The following HELZ variants were observed in gnomAD, a reference collection of about 807,000 sequenced individuals.
The protein encoded by HELZ is helicase with zinc finger, also known as ATP-dependent RNA helicase with zinc finger domain.
HELZ carries 23 observed loss-of-function variants against 218.2 expected under a neutral mutation model. The ratio of observed to expected loss-of-function variants is 0.11; its 90% CI spans 0.08 to 0.15. The LOEUF is 0.15. HELZ is among the 10% of genes least tolerant of loss of function. The pLI, the probability that HELZ is intolerant of heterozygous loss-of-function variation, is 1.00. For synonymous variants in HELZ, 814 were observed against 829.4 expected, an observed-to-expected ratio of 0.98 and a Z score of 0.32; for missense variants, 1,813 against 2,353.7, an observed-to-expected ratio of 0.77 and a Z score of 4.75.
chr17:67,233,970 C>T (rs556953694), intron 3 of HELZ, among the ~76,000 whole-genome samples: 23 of 148,488 alleles, frequency 1.5e-4, no homozygotes, highest in African/African-American at 5.2e-4. Context: ...CGCTTGAACC[C>T]GGGAGGCAGA....
At chr17:67,230,962 A>G (rs1335682384) in intron 3 of HELZ, among the ~76,000 whole-genome samples, 1 of 152,238 alleles carries the variant, frequency 6.6e-6, no homozygotes, top group Non-Finnish European at 1.5e-5. Flanking sequence ...TTTTGTAAGT[A>G]AAAAACAGAT....
chr17:67,091,695 C>T (rs984382340), intron 31 of HELZ, among the ~76,000 whole-genome samples: 2 of 152,098 alleles, frequency 1.3e-5, no homozygotes, highest in African/African-American at 2.4e-5. Context: ...ACATTACATA[C>T]TGCCTGGTAA....
intron 5 of HELZ, among the ~76,000 whole-genome samples, chr17:67,207,583 AAT>A (rs2040338979): frequency 6.6e-6 from 1 of 152,174 alleles, no homozygotes; most frequent in African/African-American, 2.4e-5. Flanking sequence ...AGCTTAGCCT[AAT>A]GAAGGTATTT....
Position 67,136,060 on chromosome 17 carries a change from T to G in HELZ, c.3092A>C (p.Tyr1031Ser). The G allele has an allele frequency of 6.2e-7, 1 of 1,613,980 alleles. No individual in the cohort carries two copies. Among genetic ancestry groups the G allele is most frequent in the Non-Finnish European group, 8.5e-7 (1 of 1,179,908 alleles). ...TGTGATGGCAGTATTGAGAAGCTTG[T>G]AGTTAGATAAAAAACCATAATCTAA... ...EDLDYGFLSN[Y>S]KLLNTAITRA... is the part of the protein sequence containing the mutation. Residue 1031 changes from tyrosine (Y) to serine (S), a missense_variant, in exon 23 of 33, where the codon TAC becomes TCC. Coordinates refer to ENST00000358691, the MANE Select transcript of HELZ (RefSeq NM_014877.4).
rs1048143819 is a variant in HELZ, at chr17:67,128,017, C to T, written c.3387+634G>A. Among the ~76,000 whole-genome samples the T allele has an allele frequency of 2.0e-5, 3 of 152,196 alleles. No individual in the cohort carries two copies. The South Asian group carries it at 6.2e-4, about 32-fold the overall frequency. On this transcript the variant is annotated intron_variant, in intron 24 of 32. Coordinates refer to ENST00000358691, the MANE Select transcript of HELZ (RefSeq NM_014877.4). Reference sequence around the variant, plus strand: ...TTTTCTAGATGGTAAGTGCAAGCATCTTTTTCAGGCACTCTAGCAAATAAG... The same window carrying T: ...TTTTCTAGATGGTAAGTGCAAGCATTTTTTTCAGGCACTCTAGCAAATAAG...
At chr17:67,186,280 G>A (rs1445028880) in intron 12 of HELZ, among the ~76,000 whole-genome samples, 5 of 151,970 alleles carry the variant, frequency 3.3e-5, no homozygotes, top group Non-Finnish European at 7.4e-5. Context: ...CGTCTACTAT[G>A]AGCCTGATGT....
intron 3 of HELZ, among the ~76,000 whole-genome samples, chr17:67,237,654 T>C (rs1327944005): frequency 2.0e-5 from 3 of 152,210 alleles, no homozygotes; most frequent in Non-Finnish European, 4.4e-5. Context: ...TTTTAAGTCT[T>C]AGCCAGAGTG....
intron 23 of HELZ, among the ~76,000 whole-genome samples, chr17:67,134,873 T>C (rs1404882003): frequency 6.6e-6 from 1 of 152,170 alleles, no homozygotes; most frequent in Non-Finnish European, 1.5e-5. Flanking sequence ...TTTACTATTC[T>C]GAACTTCCTA....
At chr17:67,184,979 T>C (rs536030732) in intron 12 of HELZ, among the ~76,000 whole-genome samples, 25 of 152,312 alleles carry the variant, frequency 1.6e-4, no homozygotes, top group Admixed American at 5.2e-4. Context: ...CCAGACCTAA[T>C]TGAATTCCCA....
intron 31 of HELZ, among the ~76,000 whole-genome samples, chr17:67,098,328 G>A (rs948429292): frequency 6.6e-6 from 1 of 152,156 alleles, no homozygotes; most frequent in Non-Finnish European, 1.5e-5. Flanking sequence ...CCTTTTAAAA[G>A]GGGGGAGTTA....
intron 7 of HELZ, chr17:67,200,748 A>G (rs1236079997): frequency 5.5e-6 from 1 of 182,054 alleles, no homozygotes; most frequent in Non-Finnish European, 1.2e-5. Flanking sequence ...AAATAAACAA[A>G]TAATAAATAA....
intron 21 of HELZ, 33 bp from the exon 22 acceptor site, chr17:67,138,147 G>C (rs1235395392): frequency 1.3e-6 from 2 of 1,492,412 alleles, no homozygotes; most frequent in African/African-American, 1.4e-5. Context: ...ACATATTAAA[G>C]TTATCACCAA....
intron 21 of HELZ, among the ~76,000 whole-genome samples, chr17:67,142,793 G>C (rs766617948): frequency 2.4e-4 from 36 of 152,010 alleles, no homozygotes; most frequent in Non-Finnish European, 4.3e-4. Context: ...GTCTAGCTCT[G>C]TCACCCAGGC....
In HELZ at chr17:67,151,219, T is replaced by C; in HGVS notation, c.2183A>G (p.Tyr728Cys). ...AGTCTTTACCCAGCGATTTCTGAAA[T>C]ATACCCTGGAAAAGAAGAAAATATT... ...GNPQARPLRV[Y>C]FRNRWVKTVH... is the part of the protein sequence containing the mutation. The change falls in exon 18 of 33, where the codon TAT (tyrosine) becomes TGT (cysteine). Residue 728 changes from tyrosine to cysteine, a missense_variant. Around this residue, in one of 4 missense-constraint regions of HELZ, gnomAD observed 714 missense variants for 1,029.2 expected, o/e 0.69. Coordinates refer to ENST00000358691, the MANE Select transcript of HELZ (RefSeq NM_014877.4). The C allele has an allele frequency of 6.2e-7, 1 of 1,603,810 alleles. No individual in the cohort carries two copies.
rs369760033 is a variant in HELZ at position 67,177,436 on chromosome 17, A to C, written c.1430+1223T>G. Among the ~76,000 whole-genome samples the C allele has an allele frequency of 5.9e-5, 9 of 152,202 alleles. No individual in the cohort carries two copies. The East Asian group carries it at 1.3e-3, about 23-fold the overall frequency. On this transcript the variant is annotated intron_variant, in intron 13 of 32. Transcript: ENST00000358691. ...ACCTTAATAAAATATTAAACAAATA[A>C]AAGTTAATATATAATTTTTTCTGAA...
intron 3 of HELZ, among the ~76,000 whole-genome samples, chr17:67,238,054 G>A (rs1480390440): frequency 6.7e-6 from 1 of 148,530 alleles, no homozygotes; most frequent in Non-Finnish European, 1.5e-5. Context: ...GACAAGTACT[G>A]AAAATTCATG....
intron 15 of HELZ, among the ~76,000 whole-genome samples, chr17:67,163,462 G>A (rs1266093858): frequency 2.0e-5 from 3 of 151,860 alleles, no homozygotes; most frequent in Admixed American, 6.6e-5. Context: ...GCAGTGGCGC[G>A]ATCTCGGTTC....
chr17:67,084,960 G>A (rs1288214949), intron 32 of HELZ, among the ~76,000 whole-genome samples: 2 of 152,152 alleles, frequency 1.3e-5, no homozygotes, highest in Admixed American at 1.3e-4. Context: ...ACACAAATTA[G>A]CTGGGCATGG....
At chr17:67,113,052 G>A (rs146496766) in intron 28 of HELZ, among the ~76,000 whole-genome samples, 1 of 152,072 alleles carries the variant, frequency 6.6e-6, no homozygotes, top group Admixed American at 6.5e-5. Flanking sequence ...TAAGAGGTGA[G>A]GAAGAAAGGA....
Sources: gnomAD v4.1 joint callset for allele counts (sites outside exome capture counted in the v4.1 genomes callset) on GRCh38, gnomAD v4.1.1 for gene constraint, gnomAD v4.1.1 regional missense constraint, MANE v1.5 for transcripts, NCBI Gene and HGNC (gene_info 2026-07-23, HGNC 2026-07-21) for gene names.